Variants in MYO1H observed in about 807,000 individuals in gnomAD.
The protein encoded by MYO1H is myosin IH, also known as unconventional myosin-Ih.
MYO1H carries 118 observed loss-of-function variants against 149.3 expected under a neutral mutation model. The ratio of observed to expected loss-of-function variants is 0.79; its 90% CI spans 0.68 to 0.92. MYO1H has a LOEUF of 0.92. MYO1H is among the 40% of genes least tolerant of loss of function. The probability of loss-of-function intolerance (pLI) is 0.00; values close to 1 mark genes in which losing one functional copy is unlikely to be tolerated. For missense variants in MYO1H, 1,212 were observed against 1,280.7 expected, an observed-to-expected ratio of 0.95 and a Z score of 0.82; for synonymous variants, 447 against 465.2, an observed-to-expected ratio of 0.96 and a Z score of 0.50.
chr12:109,388,829 C>A (rs11611277), exon 2 of MYO1H: 336,551 of 1,610,846 alleles, frequency 0.21, 37,913 homozygotes, highest in Admixed American at 0.36. Flanking sequence ...AGCGTTTCAG[C>A]GAGAACCTCA....
intron 22 of MYO1H, among the ~76,000 whole-genome samples, chr12:109,438,199 TG>T (rs1326540621): frequency 6.6e-6 from 1 of 151,890 alleles, no homozygotes; most frequent in Non-Finnish European, 1.5e-5. Flanking sequence ...TAAACCCCAG[TG>T]AGACTAAACA....
chr12:109,407,886 C>CA lies in MYO1H; in HGVS notation c.1132dup (p.Ile378AsnfsTer7), dbSNP rs747015439. The CA allele has an allele frequency of 1.2e-6, 2 of 1,614,002 alleles. No homozygotes were observed. The highest frequency in any genetic ancestry group is 1.7e-6 in the Non-Finnish European group (2 of 1,179,898). On this transcript the variant is annotated frameshift_variant, in exon 10 of 32. Transcript: ENST00000310903. LOFTEE classifies it high-confidence loss of function. Reference sequence around the variant, plus strand: ...GACGAACGTTTACTTGGCTGGTCAACAAAATCAATTCCTCCTTAGTTAACA... The same window carrying CA: ...GACGAACGTTTACTTGGCTGGTCAACAAAAATCAATTCCTCCTTAGTTAACA...
rs774314732 is a variant in MYO1H at position 109,439,674 on chromosome 12, G to A, written c.2338G>A (p.Asp780Asn). The change falls in exon 24 of 32, where the codon GAC (aspartate) becomes AAC (asparagine). Residue 780 changes from aspartate (D) to asparagine (N), a missense_variant. Asp to Asn is a conservative substitution (Grantham distance 23). Coordinates refer to ENST00000310903, the Ensembl canonical transcript of MYO1H. ...CAGTCGCAACAAACCCCTCTGTCCT[G>A]ACAACGAGGAATTTATCGTGTTTGT... 3 of 1,613,712 alleles carry A rather than the reference G, an allele frequency of 1.9e-6. No individual in the cohort carries two copies. In the South Asian group the frequency reaches 3.3e-5, roughly 18 times the overall value.
At chr12:109,374,679 T>G (rs1003269915) in intron 1 of MYO1H, among the ~76,000 whole-genome samples, 1 of 152,160 alleles carries the variant, frequency 6.6e-6, no homozygotes, top group Non-Finnish European at 1.5e-5. Context: ...TATACTAAAT[T>G]GTTTTCCAAA....
At chr12:109,379,474 A>G (rs892479066) in intron 1 of MYO1H, among the ~76,000 whole-genome samples, 3 of 152,174 alleles carry the variant, frequency 2.0e-5, no homozygotes, top group Non-Finnish European at 2.9e-5. Context: ...TCTATCAGAG[A>G]GAGGCTAGTT....
intron 1 of MYO1H, among the ~76,000 whole-genome samples, chr12:109,377,991 G>C (rs1869119017): frequency 6.6e-6 from 1 of 152,176 alleles, no homozygotes; most frequent in South Asian, 2.1e-4. Flanking sequence ...AAGTGATACA[G>C]AATCTTTTAA....
chr12:109,352,769 C>T lies in MYO1H; in HGVS notation c.12+4797C>T, dbSNP rs150577045. Among the ~76,000 whole-genome samples the T allele has an allele frequency of 1.9e-3, 288 of 152,308 alleles. 2 individuals are homozygous for T. Among genetic ancestry groups the T allele is most frequent in the African/African-American group, 6.7e-3 (277 of 41,562 alleles). On this transcript the variant is annotated intron_variant, in intron 1 of 31. Coordinates refer to ENST00000310903, the Ensembl canonical transcript of MYO1H. ...GGGGGATAGATTTCAAAGAAAGTTG[C>T]AGACATCAGCATACTTCCCCTAAAT...
intron 1 of MYO1H, among the ~76,000 whole-genome samples, chr12:109,381,564 G>A (rs1453021086): frequency 1.3e-5 from 2 of 152,172 alleles, no homozygotes; most frequent in African/African-American, 4.8e-5. Context: ...CAGCACTTTG[G>A]GAGGCCAAGG....
the MYO1H span, among the ~76,000 whole-genome samples, chr12:109,310,565 T>C: frequency 6.6e-6 from 1 of 150,988 alleles, no homozygotes; most frequent in Non-Finnish European, 1.5e-5. Context: ...CCTCGCGTTA[T>C]CTACTTCGCA....
At chr12:109,385,365 G>C (rs1869281872) in intron 1 of MYO1H, among the ~76,000 whole-genome samples, 1 of 150,124 alleles carries the variant, frequency 6.7e-6, no homozygotes, top group Admixed American at 6.7e-5. Context: ...TGCAATCATG[G>C]CTCATTGCAG....
At chr12:109,372,751 T>A (rs762508596) in intron 1 of MYO1H, among the ~76,000 whole-genome samples, 11 of 152,038 alleles carry the variant, frequency 7.2e-5, no homozygotes, top group Non-Finnish European at 1.2e-4. Flanking sequence ...ATATTCTTAC[T>A]TATTTTTCTA....
At chr12:109,438,651 G>C in intron 23 of MYO1H, 31 bp downstream of exon 23, 2 of 1,515,090 alleles carry the variant, frequency 1.3e-6, no homozygotes, top group Non-Finnish European at 1.8e-6. Flanking sequence ...GAGAGGACAG[G>C]TCACTAAATG....
At chr12:109,318,132 A>C in the MYO1H span, among the ~76,000 whole-genome samples, 1 of 152,250 alleles carries the variant, frequency 6.6e-6, no homozygotes, top group Non-Finnish European at 1.5e-5. Context: ...GAACAAATTT[A>C]GGTTATAACC....
chr12:109,317,404 T>C, the MYO1H span, among the ~76,000 whole-genome samples: 1 of 152,218 alleles, frequency 6.6e-6, no homozygotes, highest in African/African-American at 2.4e-5. Flanking sequence ...ACCATTTCGA[T>C]AGTAATTTAA....
chr12:109,329,921 G>A, the MYO1H span, among the ~76,000 whole-genome samples: 8 of 152,292 alleles, frequency 5.3e-5, no homozygotes, highest in East Asian at 1.4e-3. Flanking sequence ...TAGGACAGCC[G>A]TAGTCTCTGC....
chr12:109,347,579 CTTTTCTTTTTT>C (rs1293509881), upstream of MYO1H, among the ~76,000 whole-genome samples: 2 of 133,544 alleles, frequency 1.5e-5, no homozygotes, highest in Non-Finnish European at 3.4e-5. Flanking sequence ...GGAGAATTTT[CTTTTCTTTTTT>C]TTTTCTTTTT....
chr12:109,395,161 G>A (rs1869835594), intron 3 of MYO1H, among the ~76,000 whole-genome samples: 1 of 152,154 alleles, frequency 6.6e-6, no homozygotes, highest in African/African-American at 2.4e-5. Flanking sequence ...TGATCTTGAA[G>A]ATAAAGCACT....
the MYO1H span, among the ~76,000 whole-genome samples, chr12:109,340,026 A>C: frequency 6.6e-6 from 1 of 152,166 alleles, no homozygotes; most frequent in East Asian, 1.9e-4. Context: ...CATTGTTTAT[A>C]GTATTAATAG....
At chr12:109,390,584 G>A (rs1869601166) in intron 2 of MYO1H, among the ~76,000 whole-genome samples, 2 of 151,944 alleles carry the variant, frequency 1.3e-5, no homozygotes, top group East Asian at 3.9e-4. Flanking sequence ...TGAAATCTAG[G>A]AATATAAGTG....
Sources: gnomAD v4.1 joint callset for allele counts (sites outside exome capture counted in the v4.1 genomes callset) on GRCh38, gnomAD v4.1.1 for gene constraint, MANE v1.5 for transcripts, NCBI Gene and HGNC (gene_info 2026-07-23, HGNC 2026-07-21) for gene names.